Variants in ZNF493 observed in about 807,000 individuals in gnomAD.
The protein encoded by ZNF493 is zinc finger protein 493.
In ZNF493, 11 loss-of-function variants were observed where a neutral mutation model predicts 12.2. The observed-to-expected ratio is 0.90, with a 90% CI of 0.57 to 1.50. The LOEUF is 1.50. Among genes scored for constraint, ZNF493 ranks in the 40% most tolerant of loss-of-function variants. ZNF493 has a pLI of 0.00. For synonymous variants in ZNF493, 286 were observed against 302.6 expected (o/e 0.95, Z 0.57); for missense variants, 950 against 906.6 (o/e 1.05, Z -0.61).
intron 1 of ZNF493, among the ~76,000 whole-genome samples, chr19:21,401,009 G>A (rs1045068124): frequency 6.6e-6 from 1 of 152,108 alleles, no homozygotes; most frequent in Non-Finnish European, 1.5e-5. Flanking sequence ...AGAGTTTTGA[G>A]AAAAAGCATT....
At chr19:21,417,010 A>G (rs551760471) in intron 3 of ZNF493, among the ~76,000 whole-genome samples, 19 of 152,326 alleles carry the variant, frequency 1.2e-4, no homozygotes, top group Non-Finnish European at 2.1e-4. Context: ...GGCGGGGGAC[A>G]GACATTGTAC....
intron 3 of ZNF493, among the ~76,000 whole-genome samples, chr19:21,407,026 A>T (rs1219061263): frequency 6.6e-6 from 1 of 151,780 alleles, no homozygotes; most frequent in Non-Finnish European, 1.5e-5. Flanking sequence ...TGTTCTTAGA[A>T]ATTTATTATT....
chr19:21,397,277 C>G lies in ZNF493; in HGVS notation c.30+10C>G, dbSNP rs763160680. 6.2e-7 allele frequency: 1 copy of G among 1,614,212 alleles called. No individual in the cohort carries two copies. The highest frequency in any genetic ancestry group is 1.7e-5 in the Admixed American group (1 of 60,028). ...TGAAAGCCTAGACATGGTGAGAGTG[C>G]TGGGTCCGACATCACGAGAGAGGGG... On this transcript the variant is annotated intron_variant, in intron 1 of 3. Coordinates refer to ENST00000392288, the MANE Select transcript of ZNF493 (RefSeq NM_001076678.3).
In ZNF493 at chr19:21,411,712, T is replaced by C. The variant is rs553154079; in HGVS notation, c.253+5856T>C. Among the ~76,000 whole-genome samples the C allele has an allele frequency of 5.5e-5, 8 of 145,926 alleles. No homozygotes were observed. The East Asian group carries it at 1.4e-3, about 25-fold the overall frequency. ...TCCAGCCTGGGTGACAGAGTGAGAC[T>C]CCATCTCAAAAAAAAAAAAAGTTAA... is the stretch of plus-strand genomic sequence containing the variant. On this transcript the variant is annotated intron_variant, in intron 3 of 3. Transcript: ENST00000392288.
chr19:21,419,077 G>A (rs1338450467), intron 3 of ZNF493, among the ~76,000 whole-genome samples: 1 of 152,104 alleles, frequency 6.6e-6, no homozygotes, highest in Non-Finnish European at 1.5e-5. Flanking sequence ...TCAAATTATT[G>A]AACTTGAGGA....
intron 3 of ZNF493, 60 bp from the exon 4 acceptor site, chr19:21,422,853 G>T: frequency 7.2e-7 from 1 of 1,390,160 alleles, no homozygotes; most frequent in South Asian, 1.5e-5. Context: ...GTTTAGATTT[G>T]TAATCTATAT....
At chr19:21,398,702 C>G (rs567671783) in intron 1 of ZNF493, 13 of 296,806 alleles carry the variant, frequency 4.4e-5, no homozygotes, top group African/African-American at 6.9e-5. Flanking sequence ...TATTTTGAAA[C>G]GGGTAACCCT....
intron 3 of ZNF493, chr19:21,407,759 C>G: frequency 1.0e-6 from 1 of 984,316 alleles, no homozygotes; most frequent in Non-Finnish European, 1.2e-6. Context: ...ATATGTTCCT[C>G]AAACAGCAAC....
Position 21,422,988 on chromosome 19 carries a change from G to C in ZNF493, c.329G>C (p.Arg110Thr). The C allele has an allele frequency of 6.2e-7, 1 of 1,608,806 alleles. No individual in the cohort carries two copies. Among genetic ancestry groups the C allele is most frequent in the Non-Finnish European group, 8.5e-7 (1 of 1,178,180 alleles). ...GATTCTTTTCAAAAAGTGATACTGA[G>C]AGAATATGTAAAATGTGGACATAAG... ...IKDSFQKVILREYVKCGHKDL... is the reference protein window; with the variant it reads ...IKDSFQKVILTEYVKCGHKDL... The change falls in exon 4 of 4, where the codon AGA (arginine) becomes ACA (threonine). Residue 110 changes from arginine to threonine, a missense_variant. Physicochemically the swap from Arg to Thr is moderately conservative, Grantham distance 71 (BLOSUM62 -1). Transcript: ENST00000392288.
chr19:21,405,429 C>G, intron 2 of ZNF493, 174 bp downstream of exon 2: 1 of 1,425,226 alleles, frequency 7.0e-7, no homozygotes, highest in Non-Finnish European at 9.1e-7. Context: ...GATGTTTTAT[C>G]TTGGCCTGAT....
chr19:21,416,199 G>A (rs143926233), intron 3 of ZNF493, among the ~76,000 whole-genome samples: 1,595 of 147,736 alleles, frequency 0.011, 8 homozygotes, highest in Middle Eastern at 0.028. Context: ...AATCTTTGGC[G>A]GGAACTCTGT....
chr19:21,418,309 ACT>A (rs1448495767), intron 3 of ZNF493, among the ~76,000 whole-genome samples: 1 of 151,886 alleles, frequency 6.6e-6, no homozygotes. Flanking sequence ...ACTTCATTAC[ACT>A]CTCCTTCCTC....
In ZNF493 at chr19:21,423,547, A is replaced by T. The variant is rs752297795; in HGVS notation, c.888A>T (p.Glu296Asp). Residue 296 changes from glutamate (E) to aspartate (D), a missense_variant, in exon 4 of 4, where the codon GAA (glutamate) becomes GAT (aspartate). Coordinates refer to ENST00000392288, the MANE Select transcript of ZNF493 (RefSeq NM_001076678.3). ...IHTREKPYKC[E>D]QYGKTFNQSS... is the part of the protein sequence containing the mutation. Reference sequence around the variant, plus strand: ...CTAGAGAGAAACCCTATAAATGTGAACAATATGGCAAAACTTTTAACCAAT... The same window carrying T: ...CTAGAGAGAAACCCTATAAATGTGATCAATATGGCAAAACTTTTAACCAAT... 1 of 1,613,716 alleles carries T rather than the reference A, an allele frequency of 6.2e-7. No individual in the cohort carries two copies. Among genetic ancestry groups the T allele is most frequent in the African/African-American group, 1.3e-5 (1 of 74,902 alleles).
chr19:21,398,693 A>G (rs1974211345), intron 1 of ZNF493: 2 of 329,942 alleles, frequency 6.1e-6, no homozygotes, highest in South Asian at 5.6e-5. Flanking sequence ...GTGTACTCTT[A>G]TTTTGAAACG....
At position 21,416,159 on chromosome 19, in the gene ZNF493, A is replaced by G. The variant is rs138983499; in HGVS notation, c.254-6754A>G. 3.9e-3 allele frequency among the ~76,000 whole-genome samples: 600 copies of G among 152,378 alleles called. 1 individual carries two copies. Among genetic ancestry groups the G allele is most frequent in the African/African-American group, 0.014 (562 of 41,588 alleles). ...TTAAAGGTATAGGTTCTGGAGGCTTAACAATGGCTGCCATCAAAAATGATA... is the reference window on the plus strand; with the variant it reads ...TTAAAGGTATAGGTTCTGGAGGCTTGACAATGGCTGCCATCAAAAATGATA... On this transcript the variant is annotated intron_variant, in intron 3 of 3. Transcript: ENST00000392288.
chr19:21,421,760 G>C (rs2030685123), intron 3 of ZNF493, among the ~76,000 whole-genome samples: 1 of 152,176 alleles, frequency 6.6e-6, no homozygotes, highest in Non-Finnish European at 1.5e-5. Context: ...ACAATTGTCT[G>C]AGTTAGAGAT....
At chr19:21,401,783 C>G (rs1161266851) in intron 1 of ZNF493, among the ~76,000 whole-genome samples, 6 of 151,690 alleles carry the variant, frequency 4.0e-5, no homozygotes, top group African/African-American at 1.5e-4. Context: ...CACCACCACA[C>G]CCAGCTAATT....
intron 1 of ZNF493, among the ~76,000 whole-genome samples, chr19:21,404,820 C>T (rs1242621323): frequency 5.9e-5 from 8 of 134,662 alleles, no homozygotes; most frequent in African/African-American, 2.2e-4. Context: ...ATACACAACT[C>T]ATTCTTTGTG....
At chr19:21,420,305 C>T (rs1307787777) in intron 3 of ZNF493, among the ~76,000 whole-genome samples, 1 of 151,650 alleles carries the variant, frequency 6.6e-6, no homozygotes, top group Non-Finnish European at 1.5e-5. Context: ...ATTTTATATG[C>T]TTTTACTTCT....
Sources: gnomAD v4.1 joint callset for allele counts (sites outside exome capture counted in the v4.1 genomes callset) on GRCh38, gnomAD v4.1.1 for gene constraint, MANE v1.5 for transcripts, NCBI Gene and HGNC (gene_info 2026-07-23, HGNC 2026-07-21) for gene names.